Variants in MAPK4 observed in about 807,000 individuals in gnomAD.
MAPK4 encodes the protein Erk3-related.
Under a neutral mutation model 47.7 loss-of-function variants are expected in MAPK4, and 22 were observed. That is an observed-to-expected ratio of 0.46 (90% CI 0.33 to 0.66). The LOEUF (loss-of-function observed/expected upper bound fraction) is 0.66, where lower values mean the gene tolerates loss of function less well. Among genes scored for constraint, MAPK4 ranks in the 30% least tolerant of loss-of-function variants. The pLI is 0.02. For synonymous variants in MAPK4, 390 were observed against 365.7 expected, an observed-to-expected ratio of 1.07 and a Z score of -0.76; for missense variants, 736 against 831.7, an observed-to-expected ratio of 0.88 and a Z score of 1.42.
intron 2 of MAPK4, among the ~76,000 whole-genome samples, chr18:50,684,495 G>A (rs76486017): frequency 0.027 from 4,100 of 151,414 alleles, 99 homozygotes; most frequent in African/African-American, 0.061. Context: ...ACAGTGAGCC[G>A]TAATCAAGCC....
intron 1 of MAPK4, among the ~76,000 whole-genome samples, chr18:50,569,411 T>C (rs2042231057): frequency 6.6e-6 from 1 of 152,210 alleles, no homozygotes; most frequent in South Asian, 2.1e-4. Context: ...CAAAAGAGAA[T>C]TTTAATTAAC....
In MAPK4 at chr18:50,729,389, G is replaced by A; in HGVS notation, c.1299G>A (p.Gly433=). The A allele has an allele frequency of 6.4e-7, 1 of 1,566,706 alleles. No homozygotes were observed. The highest frequency in any genetic ancestry group is 8.6e-7 in the Non-Finnish European group (1 of 1,158,942). ...DYGRSCDYKV[G]SPSYLDKLLW... is the part of the protein sequence containing the mutation. ...GGCGCTCCTGCGACTACAAGGTGGG[G>A]TCGCCGTCCTACCTGGACAAGCTGC... The change falls in exon 6 of 6, where the codon GGG becomes GGA. Residue 433 remains glycine, a synonymous_variant. Transcript: ENST00000400384.
At chr18:50,632,946 CTAAAAACACAATGCTA>C (rs370818902) in intron 1 of MAPK4, among the ~76,000 whole-genome samples, 2,262 of 80,482 alleles carry the variant, frequency 0.028, 53 homozygotes, top group African/African-American at 0.1. Context: ...TACCGCTGTG[CTAAAAACACAATGCTA>C]TAAAAACACA....
chr18:50,573,893 G>C (rs2042271942), intron 1 of MAPK4, among the ~76,000 whole-genome samples: 1 of 152,088 alleles, frequency 6.6e-6, no homozygotes, highest in South Asian at 2.1e-4. Flanking sequence ...GTGCTGTCTG[G>C]TATTTTGAGC....
intron 2 of MAPK4, among the ~76,000 whole-genome samples, chr18:50,684,603 G>C (rs1037167590): frequency 4.6e-5 from 7 of 152,036 alleles, no homozygotes; most frequent in Admixed American, 2.6e-4. Flanking sequence ...CTGCCTTCGG[G>C]GGGTGAGGAG....
intron 1 of MAPK4, among the ~76,000 whole-genome samples, chr18:50,614,496 G>A (rs963729610): frequency 4.0e-5 from 6 of 151,846 alleles, no homozygotes; most frequent in African/African-American, 1.5e-4. Flanking sequence ...ACACTTATTT[G>A]AATCATATTT....
chr18:50,590,196 T>G (rs1012074267), intron 1 of MAPK4, among the ~76,000 whole-genome samples: 1 of 152,190 alleles, frequency 6.6e-6, no homozygotes, highest in African/African-American at 2.4e-5. Flanking sequence ...AAGGAGCAGT[T>G]CTTGGGAATA....
In MAPK4 at chr18:50,664,444, C is replaced by T. The variant is rs780899138; in HGVS notation, c.486C>T (p.Leu162=). The change falls in exon 2 of 6, where the codon CTC becomes CTT. Residue 162 remains leucine, a synonymous_variant. Coordinates refer to ENST00000400384, the MANE Select transcript of MAPK4 (RefSeq NM_002747.4). The surrounding 1 kb of genome is among the most constrained non-coding windows in gnomAD (Gnocchi z 6.0). ...PANIFISTED[L]VLKIGDFGLA... is the part of the protein sequence containing the mutation. ...ACATCTTCATCAGCACAGAGGACCT[C>T]GTGCTCAAGATTGGGGATTTCGGGT... is the stretch of plus-strand genomic sequence containing the variant. 29 of 1,613,040 alleles carry T rather than the reference C, an allele frequency of 1.8e-5. No individual in the cohort carries two copies. Among genetic ancestry groups the T allele is most frequent in the Non-Finnish European group, 2.3e-5 (27 of 1,179,378 alleles).
intron 1 of MAPK4, among the ~76,000 whole-genome samples, chr18:50,614,313 G>A (rs963468010): frequency 6.6e-6 from 1 of 151,878 alleles, no homozygotes; most frequent in Non-Finnish European, 1.5e-5. Flanking sequence ...CTATCAAAAT[G>A]TAAATTTAAA....
intron 1 of MAPK4, among the ~76,000 whole-genome samples, chr18:50,658,886 A>G (rs997225931): frequency 6.6e-6 from 1 of 152,180 alleles, no homozygotes; most frequent in East Asian, 1.9e-4. Flanking sequence ...CCGGGTCCCA[A>G]CACACTTCAG....
chr18:50,584,392 G>T (rs559460029), intron 1 of MAPK4, among the ~76,000 whole-genome samples: 2 of 152,162 alleles, frequency 1.3e-5, no homozygotes, highest in East Asian at 3.9e-4. Context: ...ATGAACTGCG[G>T]AACTAAGCCT....
rs562168535 is a variant in MAPK4 at position 50,729,943 on chromosome 18, C to T, written c.*89C>T. 3.0e-6 allele frequency: 4 copies of T among 1,341,872 alleles called. No individual in the cohort carries two copies. Among genetic ancestry groups the T allele is most frequent in the Middle Eastern group, 2.3e-4 (1 of 4,330 alleles). 83.1% of individuals were successfully genotyped at this position (1,341,872 alleles called of 1,614,324 possible). Reference sequence around the variant, plus strand: ...GGAGGCGGCCGCCCTTCCCGCCCCTCTCTGCTGCCTTGGGGTTGGCAGAAC... The same window carrying T: ...GGAGGCGGCCGCCCTTCCCGCCCCTTTCTGCTGCCTTGGGGTTGGCAGAAC... On this transcript the variant is annotated 3_prime_UTR_variant, in exon 6 of 6. Transcript: ENST00000400384.
intron 1 of MAPK4, among the ~76,000 whole-genome samples, chr18:50,622,234 G>T (rs1438958190): frequency 6.6e-6 from 1 of 152,180 alleles, no homozygotes; most frequent in African/African-American, 2.4e-5. Context: ...AGGAAGCAGA[G>T]TCTGCGCCAA....
In MAPK4 at chr18:50,722,021, G is replaced by A; in HGVS notation, c.775G>A (p.Val259Met). 1 of 1,614,008 alleles carries A rather than the reference G, an allele frequency of 6.2e-7. No homozygotes were observed. Among genetic ancestry groups the A allele is most frequent in the Non-Finnish European group, 8.5e-7 (1 of 1,179,962 alleles). The change falls in exon 4 of 6, where the codon GTG (valine) becomes ATG (methionine). Residue 259 changes from valine (V) to methionine (M), a missense_variant. Coordinates refer to ENST00000400384, the MANE Select transcript of MAPK4 (RefSeq NM_002747.4). Reference protein sequence around the residue: ...REEDKDELLRVMPSFVSSTWE... With the variant: ...REEDKDELLRMMPSFVSSTWE... ...GGAAGACAAGGACGAGCTGCTCAGGGTGATGCCTTCCTTTGTCAGCAGCAC... is the reference window on the plus strand; with the variant it reads ...GGAAGACAAGGACGAGCTGCTCAGGATGATGCCTTCCTTTGTCAGCAGCAC...
At position 50,726,131 on chromosome 18, in the gene MAPK4, C is replaced by T. The variant is rs201644833; in HGVS notation, c.1023C>T (p.Ala341=). Reference sequence around the variant, plus strand: ...AGATCGACGACATCGTGCTGATGGCCGCTAACCAGAGCCAGCTGTCCAACT... The same window carrying T: ...AGATCGACGACATCGTGCTGATGGCTGCTAACCAGAGCCAGCTGTCCAACT... ...EDEIDDIVLM[A]ANQSQLSNWD... is the part of the protein sequence containing the mutation. The change falls in exon 5 of 6, where the codon GCC becomes GCT. Residue 341 remains alanine, a synonymous_variant. Transcript: ENST00000400384. 4.6e-5 allele frequency: 74 copies of T among 1,614,112 alleles called. No homozygotes were observed. In the African/African-American group the frequency reaches 6.1e-4, roughly 13 times the overall value.
intron 2 of MAPK4, among the ~76,000 whole-genome samples, chr18:50,707,856 T>C (rs1910142461): frequency 6.6e-6 from 1 of 152,094 alleles, no homozygotes; most frequent in Admixed American, 6.6e-5. Flanking sequence ...TGGGAAGAGA[T>C]GGTGAATTTC....
rs140010083 is a variant in MAPK4, at chr18:50,688,585, C to A, written c.546+24081C>A. 2.2e-3 allele frequency among the ~76,000 whole-genome samples: 339 copies of A among 152,350 alleles called. 3 individuals carry two copies. The highest frequency in any genetic ancestry group is 7.6e-3 in the African/African-American group (317 of 41,574). On this transcript the variant is annotated intron_variant, in intron 2 of 5. Coordinates refer to ENST00000400384, the MANE Select transcript of MAPK4 (RefSeq NM_002747.4). ...TCTGCTAGTGAAAGACAGTGCATAT[C>A]ACAACCTGGATGGAACTGGAGACTA...
chr18:50,575,157 G>T (rs1171887616), intron 1 of MAPK4, among the ~76,000 whole-genome samples: 1 of 152,090 alleles, frequency 6.6e-6, no homozygotes, highest in Non-Finnish European at 1.5e-5. Context: ...GAAGAAGTTT[G>T]GTCCCTTTCT....
intron 2 of MAPK4, among the ~76,000 whole-genome samples, chr18:50,675,461 T>C (rs11082835): frequency 0.98 from 149,039 of 152,046 alleles, 73,107 homozygotes; most frequent in East Asian, 1. Context: ...GGACTACAGG[T>C]GCCTGCCACC....
Sources: gnomAD v4.1 joint callset for allele counts (sites outside exome capture counted in the v4.1 genomes callset) on GRCh38, gnomAD v4.1.1 for gene constraint, Gnocchi (gnomAD v3.1) non-coding constraint, MANE v1.5 for transcripts, NCBI Gene and HGNC (gene_info 2026-07-23, HGNC 2026-07-21) for gene names.